The following GPR39 variants were observed in gnomAD, a reference collection of about 807,000 sequenced individuals.
GPR39 encodes G protein-coupled receptor 39, also known as zinc sensing receptor.
In GPR39, 23 loss-of-function variants were observed where a neutral mutation model predicts 18.4. The observed-to-expected ratio is 1.25, with a 90% confidence interval of 0.90 to 1.77. The LOEUF (loss-of-function observed/expected upper bound fraction) is 1.77, where lower values mean the gene tolerates loss of function less well. Ranked by LOEUF, GPR39 falls within the 40% of genes most tolerant of loss-of-function variation. The pLI, the probability that GPR39 is intolerant of heterozygous loss-of-function variation, is 0.00. For missense variants in GPR39, 647 were observed against 602.4 expected, an observed-to-expected ratio of 1.07 and a Z score of -0.78; for synonymous variants, 280 against 257.9, an observed-to-expected ratio of 1.09 and a Z score of -0.82.
At chr2:132,515,494 G>A (rs959930981) in intron 1 of GPR39, among the ~76,000 whole-genome samples, 1 of 152,174 alleles carries the variant, frequency 6.6e-6, no homozygotes, top group African/African-American at 2.4e-5. Flanking sequence ...TCCCACGTGT[G>A]ATGTTTATCA....
intron 1 of GPR39, among the ~76,000 whole-genome samples, chr2:132,597,021 G>T (rs2104837316): frequency 6.6e-6 from 1 of 152,300 alleles, no homozygotes; most frequent in East Asian, 1.9e-4. Flanking sequence ...CCCAGTGTGG[G>T]TCCTGTGACC....
intron 1 of GPR39, among the ~76,000 whole-genome samples, chr2:132,423,780 T>G (rs1680064096): frequency 6.6e-6 from 1 of 152,244 alleles, no homozygotes; most frequent in Non-Finnish European, 1.5e-5. Flanking sequence ...GATGTCTGTC[T>G]TCCTTCTAAT....
chr2:132,430,802 G>T (rs1680212061), intron 1 of GPR39, among the ~76,000 whole-genome samples: 1 of 152,196 alleles, frequency 6.6e-6, no homozygotes, highest in Non-Finnish European at 1.5e-5. Flanking sequence ...CAGAGCCAGG[G>T]AGCAGAAACA....
chr2:132,537,500 A>AT (rs139929782), intron 1 of GPR39, among the ~76,000 whole-genome samples: 2,451 of 136,954 alleles, frequency 0.018, 26 homozygotes, highest in Admixed American at 0.025. Flanking sequence ...TTCCCTTAAC[A>AT]TTTTTTTTTT....
chr2:132,493,615 A>G (rs1380433586), intron 1 of GPR39, among the ~76,000 whole-genome samples: 1 of 151,186 alleles, frequency 6.6e-6, no homozygotes, highest in Non-Finnish European at 1.5e-5. Flanking sequence ...TGAGTCTGCC[A>G]TTTCTGATAT....
At chr2:132,503,984 C>G (rs1415083380) in intron 1 of GPR39, among the ~76,000 whole-genome samples, 1 of 152,214 alleles carries the variant, frequency 6.6e-6, no homozygotes, top group African/African-American at 2.4e-5. Flanking sequence ...TTCCAGGCAG[C>G]TGATGACCAG....
intron 1 of GPR39, among the ~76,000 whole-genome samples, chr2:132,453,959 T>G (rs1680675321): frequency 6.6e-6 from 1 of 152,204 alleles, no homozygotes. Context: ...GTCCTGGCAA[T>G]GTGGGCTCTT....
At chr2:132,582,077 G>A (rs968004340) in intron 1 of GPR39, among the ~76,000 whole-genome samples, 1 of 152,216 alleles carries the variant, frequency 6.6e-6, no homozygotes, top group Non-Finnish European at 1.5e-5. Flanking sequence ...AGTGACAGGT[G>A]TGCTGGGGAT....
At chr2:132,506,294 G>C (rs1679135206) in intron 1 of GPR39, among the ~76,000 whole-genome samples, 1 of 151,880 alleles carries the variant, frequency 6.6e-6, no homozygotes, top group Non-Finnish European at 1.5e-5. Flanking sequence ...TTTATATTCT[G>C]AATATTAGTC....
intron 1 of GPR39, among the ~76,000 whole-genome samples, chr2:132,509,829 C>T (rs966033463): frequency 1.3e-5 from 2 of 152,140 alleles, no homozygotes; most frequent in Non-Finnish European, 2.9e-5. Flanking sequence ...CCCAGCCCCA[C>T]CTTGACTCAC....
chr2:132,620,252 C>T (rs917092159), intron 1 of GPR39, among the ~76,000 whole-genome samples: 1 of 152,146 alleles, frequency 6.6e-6, no homozygotes, highest in African/African-American at 2.4e-5. Flanking sequence ...GCTGCAGCTC[C>T]AGCATGAGTT....
At chr2:132,524,732 C>G (rs572887562) in intron 1 of GPR39, among the ~76,000 whole-genome samples, 41 of 152,176 alleles carry the variant, frequency 2.7e-4, no homozygotes, top group Non-Finnish European at 5.0e-4. Flanking sequence ...CTAGTACCCA[C>G]TGTCTGAATT....
chr2:132,516,036 C>T lies in GPR39; in HGVS notation c.856+98138C>T, dbSNP rs373665428. ...TGTTATCGGAGTCCCAGCCATCAGC[C>T]TTGCAGTGACTGACGGAAAGATCTT... On this transcript the variant is annotated intron_variant, in intron 1 of 1. Coordinates refer to ENST00000329321, the MANE Select transcript of GPR39 (RefSeq NM_001508.3). Among the ~76,000 whole-genome samples, 4 of 152,252 alleles carry T rather than the reference C, an allele frequency of 2.6e-5. No individual in the cohort carries two copies. In the East Asian group the frequency reaches 5.8e-4, roughly 22 times the overall value.
chr2:132,530,831 C>T (rs1679605704), intron 1 of GPR39, among the ~76,000 whole-genome samples: 1 of 152,084 alleles, frequency 6.6e-6, no homozygotes, highest in Admixed American at 6.5e-5. Flanking sequence ...CCAGGCCTGC[C>T]CTAAAAGAGC....
intron 1 of GPR39, among the ~76,000 whole-genome samples, chr2:132,579,518 A>T (rs930081478): frequency 2.0e-4 from 30 of 152,052 alleles, no homozygotes; most frequent in African/African-American, 7.0e-4. Flanking sequence ...TGCTGATGTT[A>T]TGACTAGTTC....
chr2:132,422,307 C>G (rs915115302), intron 1 of GPR39, among the ~76,000 whole-genome samples: 6 of 152,190 alleles, frequency 3.9e-5, no homozygotes, highest in African/African-American at 1.4e-4. Context: ...TTTGAATCAT[C>G]TGTTTCTTCA....
intron 1 of GPR39, among the ~76,000 whole-genome samples, chr2:132,580,508 T>G (rs1347538811): frequency 6.6e-6 from 1 of 152,234 alleles, no homozygotes; most frequent in Non-Finnish European, 1.5e-5. Context: ...ACTTGCACAC[T>G]TTTATTTATA....
At chr2:132,516,023 C>T (rs918394460) in intron 1 of GPR39, among the ~76,000 whole-genome samples, 9 of 152,108 alleles carry the variant, frequency 5.9e-5, no homozygotes, top group African/African-American at 1.9e-4. Flanking sequence ...TTATCGGAGT[C>T]CCAGCCATCA....
intron 1 of GPR39, among the ~76,000 whole-genome samples, chr2:132,601,389 A>G (rs1681039963): frequency 6.6e-6 from 1 of 152,216 alleles, no homozygotes; most frequent in Non-Finnish European, 1.5e-5. Flanking sequence ...AGATGCAGAA[A>G]AAGTATTTAA....
Sources: allele counts gnomAD v4.1 joint callset (sites outside exome capture counted in the v4.1 genomes callset), GRCh38; gene constraint gnomAD v4.1.1; transcripts MANE v1.5; gene names NCBI Gene and HGNC (gene_info 2026-07-23, HGNC 2026-07-21).